ANK2: variants seen among roughly 807,000 people sequenced by gnomAD.
The protein encoded by ANK2 is ankyrin-2.
ANK2 carries 83 observed loss-of-function variants against 360.5 expected under a neutral mutation model. The ratio of observed to expected loss-of-function variants is 0.23; its 90% confidence interval spans 0.19 to 0.28. The LOEUF is 0.28. Among genes scored for constraint, ANK2 ranks in the 10% least tolerant of loss-of-function variants. ANK2 has a pLI of 1.00. For missense variants in ANK2, 4,201 were observed against 4,795.7 expected, an observed-to-expected ratio of 0.88 and a Z score of 3.66; for synonymous variants, 1,740 against 1,759.5, an observed-to-expected ratio of 0.99 and a Z score of 0.28.
chr4:113,307,362 A>G (rs1472981536), intron 23 of ANK2, among the ~76,000 whole-genome samples: 1 of 150,668 alleles, frequency 6.6e-6, no homozygotes, highest in Non-Finnish European at 1.5e-5. Flanking sequence ...GTTTCAGAGA[A>G]TCTCCTTGTC....
chr4:113,103,530 A>G (rs2093224153), intron 1 of ANK2, among the ~76,000 whole-genome samples: 1 of 152,200 alleles, frequency 6.6e-6, no homozygotes, highest in Admixed American at 6.5e-5. Context: ...AGTAGTCAAA[A>G]GACACTCCAG....
the ANK2 span, among the ~76,000 whole-genome samples, chr4:112,802,226 AT>A: frequency 4.6e-5 from 7 of 151,906 alleles, no homozygotes; most frequent in South Asian, 2.1e-4. Context: ...TTAGAGGGAG[AT>A]TGGAGGACAC....
At chr4:113,279,826 G>A (rs2061585342) in intron 17 of ANK2, among the ~76,000 whole-genome samples, 1 of 151,804 alleles carries the variant, frequency 6.6e-6, no homozygotes. Context: ...AAAAGAGGGT[G>A]CCAAATGTTC....
intron 1 of ANK2, among the ~76,000 whole-genome samples, chr4:113,135,441 G>C (rs2096340790): frequency 6.6e-6 from 1 of 152,014 alleles, no homozygotes; most frequent in Non-Finnish European, 1.5e-5. Context: ...CAGGTGGAAA[G>C]AGTGGAATGA....
chr4:112,960,257 T>A (rs146363810), intron 2 of ANK2, among the ~76,000 whole-genome samples: 7 of 152,228 alleles, frequency 4.6e-5, no homozygotes, highest in African/African-American at 1.4e-4. Context: ...CAACCTTCTT[T>A]TGGGGTCTGG....
chr4:112,716,755 TA>T, the ANK2 span, among the ~76,000 whole-genome samples: 1 of 152,208 alleles, frequency 6.6e-6, no homozygotes, highest in African/African-American at 2.4e-5. Flanking sequence ...AACATGATTT[TA>T]TTGTACTTTT....
At chr4:112,937,133 A>G (rs1256023740) in intron 2 of ANK2, among the ~76,000 whole-genome samples, 2 of 152,006 alleles carry the variant, frequency 1.3e-5, no homozygotes, top group Admixed American at 1.3e-4. Flanking sequence ...TTGTCCAACA[A>G]ATAGATCTGA....
intron 17 of ANK2, among the ~76,000 whole-genome samples, chr4:113,280,040 A>G (rs901588087): frequency 1.3e-5 from 2 of 152,210 alleles, no homozygotes; most frequent in Non-Finnish European, 2.9e-5. Context: ...CAACTATGGA[A>G]TAAAAATATA....
intron 7 of ANK2, among the ~76,000 whole-genome samples, chr4:113,239,402 T>A (rs535609935): frequency 6.6e-6 from 1 of 152,240 alleles, no homozygotes; most frequent in East Asian, 1.9e-4. Context: ...ATTTTGAAAA[T>A]ATTTCTTAAA....
intron 1 of ANK2, among the ~76,000 whole-genome samples, chr4:112,842,962 C>T (rs2062468312): frequency 6.6e-6 from 1 of 152,188 alleles, no homozygotes; most frequent in African/African-American, 2.4e-5. Flanking sequence ...CTTTCCTTTT[C>T]CTCTAGTTGC....
chr4:112,906,949 G>A (rs1015381804), intron 2 of ANK2, among the ~76,000 whole-genome samples: 1 of 152,156 alleles, frequency 6.6e-6, no homozygotes, highest in African/African-American at 2.4e-5. Flanking sequence ...GAAGGTATAA[G>A]AAAGATTTGA....
At chr4:113,039,931 C>T (rs538432714) in intron 2 of ANK2, among the ~76,000 whole-genome samples, 5 of 151,728 alleles carry the variant, frequency 3.3e-5, no homozygotes, top group South Asian at 2.1e-4. Context: ...TCAATGGGCC[C>T]GGAGTTTTTC....
chr4:113,306,073 T>G, intron 23 of ANK2, among the ~76,000 whole-genome samples: 1 of 152,198 alleles, frequency 6.6e-6, no homozygotes, highest in East Asian at 1.9e-4. Context: ...GAATATGATG[T>G]TATTGTGTTT....
chr4:113,135,467 A>G (rs17045676), intron 1 of ANK2, among the ~76,000 whole-genome samples: 23,643 of 151,822 alleles, frequency 0.16, 2,933 homozygotes, highest in East Asian at 0.53. Flanking sequence ...GCTTTTCACT[A>G]CATGTAATAC....
At chr4:112,821,287 G>C (rs1441227856) in intron 1 of ANK2, among the ~76,000 whole-genome samples, 1 of 152,046 alleles carries the variant, frequency 6.6e-6, no homozygotes, top group African/African-American at 2.4e-5. Context: ...GGGCTCAAAT[G>C]ATCCTACTGT....
chr4:112,741,505 A>T, the ANK2 span, among the ~76,000 whole-genome samples: 1 of 152,220 alleles, frequency 6.6e-6, no homozygotes, highest in South Asian at 2.1e-4. Flanking sequence ...ATAGGGTGGC[A>T]GAGCAGTCCG....
intron 2 of ANK2, chr4:113,034,781 T>C (rs1434784495): frequency 2.0e-5 from 3 of 151,992 alleles, no homozygotes; most frequent in African/African-American, 7.2e-5. Flanking sequence ...TACTGGAGTA[T>C]GAAATTCATT....
At chr4:113,250,659 T>A (rs2045667026) in intron 10 of ANK2, among the ~76,000 whole-genome samples, 1 of 151,734 alleles carries the variant, frequency 6.6e-6, no homozygotes. Context: ...CTGATTAATG[T>A]GATATGCAGC....
chr4:112,750,357 T>C, the ANK2 span, among the ~76,000 whole-genome samples: 4 of 151,794 alleles, frequency 2.6e-5, no homozygotes, highest in African/African-American at 9.7e-5. Context: ...TGAGAGCCTG[T>C]CTCAAAAAAA....
Sources: allele counts gnomAD v4.1 joint callset (sites outside exome capture counted in the v4.1 genomes callset), GRCh38; gene constraint gnomAD v4.1.1; transcripts MANE v1.5; gene names NCBI Gene and HGNC (gene_info 2026-07-23, HGNC 2026-07-21).